The following MAGI2 variants were observed in gnomAD, a reference collection of about 807,000 sequenced individuals.
MAGI2 encodes membrane-associated guanylate kinase, WW and PDZ domain-containing protein 2.
In MAGI2, 35 loss-of-function variants were observed where a neutral mutation model predicts 133.3. The ratio of observed to expected loss-of-function variants is 0.26; its 90% CI spans 0.20 to 0.35. The LOEUF (loss-of-function observed/expected upper bound fraction) is 0.35. Ranked by LOEUF, MAGI2 falls within the 10% of genes least tolerant of loss-of-function variation. The probability of loss-of-function intolerance (pLI) is 1.00; values close to 1 mark genes in which losing one functional copy is unlikely to be tolerated. For synonymous variants in MAGI2, 729 were observed against 710.6 expected (o/e 1.03, Z -0.41); for missense variants, 1,636 against 1,863.4 (o/e 0.88, Z 2.25).
intron 2 of MAGI2, among the ~76,000 whole-genome samples, chr7:78,969,555 G>A (rs1803614643): frequency 6.6e-6 from 1 of 151,994 alleles, no homozygotes; most frequent in Admixed American, 6.6e-5. Context: ...CCTCTAGTTC[G>A]ATGACTTCTC....
intron 2 of MAGI2, among the ~76,000 whole-genome samples, chr7:78,752,526 C>T (rs912899399): frequency 6.6e-6 from 1 of 152,158 alleles, no homozygotes; most frequent in African/African-American, 2.4e-5. Flanking sequence ...CTGCTTGAAC[C>T]CGGGAGGCAG....
chr7:78,757,670 T>C (rs148343361), intron 2 of MAGI2, among the ~76,000 whole-genome samples: 1 of 152,228 alleles, frequency 6.6e-6, no homozygotes, highest in Non-Finnish European at 1.5e-5. Context: ...ACTTCTTCAT[T>C]GGCTTTGAGG....
chr7:78,566,503 T>G (rs1012486864), intron 3 of MAGI2, among the ~76,000 whole-genome samples: 2 of 139,202 alleles, frequency 1.4e-5, no homozygotes, highest in African/African-American at 5.4e-5. Flanking sequence ...TCCAGGATGA[T>G]GAAAGACAGG....
intron 6 of MAGI2, among the ~76,000 whole-genome samples, chr7:78,401,063 C>A (rs1037894343): frequency 2.9e-5 from 4 of 137,930 alleles, no homozygotes; most frequent in African/African-American, 1.0e-4. Flanking sequence ...ATTTCCATTC[C>A]TTTGAAAAAA....
At chr7:78,795,634 C>A in intron 2 of MAGI2, among the ~76,000 whole-genome samples, 1 of 68,592 alleles carries the variant, frequency 1.5e-5, no homozygotes, top group East Asian at 6.8e-4. Context: ...ACATTCTTCA[C>A]AGAAATATAA....
intron 3 of MAGI2, among the ~76,000 whole-genome samples, chr7:78,555,488 C>A (rs938333702): frequency 1.3e-5 from 2 of 151,728 alleles, no homozygotes; most frequent in Non-Finnish European, 2.9e-5. Context: ...CATAAAGCTG[C>A]AATAAGAAAA....
At chr7:79,410,357 T>C (rs1003119655) in intron 1 of MAGI2, 1 of 152,082 alleles carries the variant, frequency 6.6e-6, no homozygotes, top group Non-Finnish European at 1.5e-5. Context: ...TGGGAAGAAA[T>C]TGAAAAGATA....
At chr7:78,454,302 C>T (rs2151490754) in intron 6 of MAGI2, among the ~76,000 whole-genome samples, 1 of 152,216 alleles carries the variant, frequency 6.6e-6, no homozygotes, top group Middle Eastern at 3.4e-3. Context: ...AAGAACTTTT[C>T]CCCCTATTTG....
chr7:78,842,989 C>T (rs117864023), intron 2 of MAGI2, among the ~76,000 whole-genome samples: 3,899 of 151,854 alleles, frequency 0.026, 73 homozygotes, highest in Middle Eastern at 0.045. Context: ...TATTTAATGA[C>T]TGTTGCCTAT....
At position 78,627,257 on chromosome 7, in the gene MAGI2, A is replaced by C. The variant is rs1563262659; in HGVS notation, c.419-18T>G. 1 of 1,513,338 alleles carries C rather than the reference A, an allele frequency of 6.6e-7. No homozygotes were observed. Among genetic ancestry groups the C allele is most frequent in the Non-Finnish European group, 8.8e-7 (1 of 1,134,700 alleles). 93.7% of individuals were successfully genotyped at this position (1,513,338 alleles called of 1,614,324 possible). On this transcript the variant is annotated intron_variant, in intron 2 of 21. Transcript: ENST00000354212. Reference sequence around the variant, plus strand: ...TGTGGTGCCTGAATAAAGAAAAGTAAAAACAAAAGAAAGACGCTAAGTGAT... The same window carrying C: ...TGTGGTGCCTGAATAAAGAAAAGTACAAACAAAAGAAAGACGCTAAGTGAT...
intron 17 of MAGI2, chr7:78,134,502 G>T (rs1444454636): frequency 6.4e-6 from 1 of 155,598 alleles, no homozygotes; most frequent in Non-Finnish European, 1.4e-5. Context: ...TCAGGGGGGA[G>T]TCCTTGTACA....
chr7:79,074,299 T>C (rs933324572), intron 1 of MAGI2, among the ~76,000 whole-genome samples: 3 of 152,234 alleles, frequency 2.0e-5, no homozygotes, highest in Non-Finnish European at 4.4e-5. Context: ...GCAAATATTT[T>C]ATAATAAACA....
intron 1 of MAGI2, among the ~76,000 whole-genome samples, chr7:79,040,644 T>TG (rs1426181382): frequency 6.6e-6 from 1 of 152,166 alleles, no homozygotes; most frequent in Non-Finnish European, 1.5e-5. Context: ...AATTGGACCA[T>TG]GGGGGTGGTT....
intron 2 of MAGI2, among the ~76,000 whole-genome samples, chr7:78,802,026 A>T (rs1404321082): frequency 6.6e-6 from 1 of 152,186 alleles, no homozygotes; most frequent in Admixed American, 6.5e-5. Context: ...ATAATCCATT[A>T]TCAAGAGTTT....
At chr7:79,088,459 A>T (rs1162550217) in intron 1 of MAGI2, among the ~76,000 whole-genome samples, 1 of 152,160 alleles carries the variant, frequency 6.6e-6, no homozygotes, top group African/African-American at 2.4e-5. Context: ...ATCTGCAAAC[A>T]GAGACAATTT....
At chr7:78,941,938 G>T (rs532984436) in intron 2 of MAGI2, among the ~76,000 whole-genome samples, 1 of 151,970 alleles carries the variant, frequency 6.6e-6, no homozygotes, top group East Asian at 1.9e-4. Context: ...TAATCCCTTT[G>T]ACTTCTCTAC....
intron 20 of MAGI2, among the ~76,000 whole-genome samples, chr7:78,088,920 C>A (rs1816911075): frequency 6.6e-6 from 1 of 152,080 alleles, no homozygotes; most frequent in African/African-American, 2.4e-5. Context: ...AATATAATCA[C>A]AAAGGTCAAA....
rs191835621 is a variant in MAGI2, at chr7:78,866,337, C to T, written c.418+140753G>A. Among the ~76,000 whole-genome samples, 11 of 152,086 alleles carry T rather than the reference C, an allele frequency of 7.2e-5. No individual in the cohort carries two copies. In the East Asian group the frequency reaches 2.1e-3, roughly 30 times the overall value. ...ATGTAACTTCTCATCTAAACAGAGA[C>T]ACTTGTGAAAGTGAGTGAGTATGCT... On this transcript the variant is annotated intron_variant, in intron 2 of 21. Coordinates refer to ENST00000354212, the MANE Select transcript of MAGI2 (RefSeq NM_012301.4).
chr7:78,635,446 C>G (rs999318218), intron 2 of MAGI2, among the ~76,000 whole-genome samples: 5 of 152,194 alleles, frequency 3.3e-5, no homozygotes, highest in Admixed American at 1.3e-4. Context: ...GTGCAGTCAT[C>G]TATTGTGATC....
Sources: gnomAD v4.1 joint callset for allele counts (sites outside exome capture counted in the v4.1 genomes callset) on GRCh38, gnomAD v4.1.1 for gene constraint, MANE v1.5 for transcripts, NCBI Gene and HGNC (gene_info 2026-07-23, HGNC 2026-07-21) for gene names.